Variants in GRK3 observed in about 807,000 individuals in gnomAD.
GRK3 encodes adrenergic, beta, receptor kinase 2.
In GRK3, 54 loss-of-function variants were observed where a neutral mutation model predicts 95.7. The observed-to-expected ratio is 0.56, with a 90% CI of 0.45 to 0.71. GRK3 has a LOEUF of 0.71. Ranked by LOEUF, GRK3 falls within the 30% of genes least tolerant of loss-of-function variation. The pLI, the probability that GRK3 is intolerant of heterozygous loss-of-function variation, is 0.00. For missense variants in GRK3, 649 were observed against 851.2 expected (o/e 0.76, Z 2.96); for synonymous variants, 281 against 290.8 (o/e 0.97, Z 0.34).
intron 2 of GRK3, among the ~76,000 whole-genome samples, chr22:25,611,748 C>T (rs1247277394): frequency 6.6e-6 from 1 of 151,688 alleles, no homozygotes; most frequent in African/African-American, 2.4e-5. Flanking sequence ...TTTCATTTTC[C>T]TAATGGTGAC....
chr22:25,671,455 A>G (rs1429064323), intron 6 of GRK3, among the ~76,000 whole-genome samples: 1 of 152,248 alleles, frequency 6.6e-6, no homozygotes, highest in Admixed American at 6.5e-5. Context: ...TTCCTCATGG[A>G]TAAAGAAAAC....
intron 19 of GRK3, 122 bp from the exon 20 acceptor site, chr22:25,721,162 A>C: frequency 1.9e-6 from 1 of 529,724 alleles, no homozygotes; most frequent in Non-Finnish European, 3.3e-6. Context: ...CTAGAATACC[A>C]TCAAAGAAAG....
rs966649784 is a variant in GRK3 at position 25,688,222 on chromosome 22, C to T, written c.957+555C>T. On this transcript the variant is annotated intron_variant, in intron 11 of 20. Transcript: ENST00000324198. ...CTGCACTCCAGCCTGGACAACAGAG[C>T]AAGACTCTGTCTCAAAAAAAAAAAA... 2.5e-5 allele frequency among the ~76,000 whole-genome samples: 3 copies of T among 121,194 alleles called. No homozygotes were observed. The Admixed American group carries it at 3.1e-4, about 13-fold the overall frequency. 79.5% of individuals were successfully genotyped at this position (121,194 alleles called of 152,430 possible). A position where few individuals can be genotyped will look rare whatever the true frequency, so the allele number is the denominator to read the frequency against.
intron 1 of GRK3, among the ~76,000 whole-genome samples, chr22:25,577,935 G>A (rs2146315827): frequency 6.6e-6 from 1 of 152,260 alleles, no homozygotes; most frequent in Middle Eastern, 3.4e-3. Flanking sequence ...TTACTGTTAA[G>A]AGTAATATTA....
chr22:25,656,432 T>C (rs2084871735), intron 3 of GRK3, among the ~76,000 whole-genome samples: 1 of 152,168 alleles, frequency 6.6e-6, no homozygotes, highest in Admixed American at 6.5e-5. Flanking sequence ...TCCTCCTGCC[T>C]CAGCCTCCTG....
At chr22:25,617,574 A>T (rs2084549222) in intron 2 of GRK3, among the ~76,000 whole-genome samples, 1 of 152,210 alleles carries the variant, frequency 6.6e-6, no homozygotes, top group South Asian at 2.1e-4. Flanking sequence ...ATAACTTCAG[A>T]AAGCATAGTC....
intron 2 of GRK3, among the ~76,000 whole-genome samples, chr22:25,606,650 G>C (rs1374188959): frequency 3.3e-5 from 5 of 151,970 alleles, no homozygotes; most frequent in Non-Finnish European, 7.4e-5. Flanking sequence ...CCCTCTGTCT[G>C]CCTACCCATC....
At chr22:25,648,750 G>T in intron 3 of GRK3, 1 of 1,125,388 alleles carries the variant, frequency 8.9e-7, no homozygotes, top group East Asian at 2.4e-5. Flanking sequence ...GATTGCTGAT[G>T]GTATGGCATA....
chr22:25,587,392 G>A (rs949402406), intron 1 of GRK3, among the ~76,000 whole-genome samples: 3 of 151,990 alleles, frequency 2.0e-5, no homozygotes, highest in African/African-American at 7.2e-5. Flanking sequence ...AAAGGTAAAT[G>A]GATTCTGAAA....
chr22:25,566,566 C>G (rs1931494735), intron 1 of GRK3, among the ~76,000 whole-genome samples: 1 of 152,066 alleles, frequency 6.6e-6, no homozygotes, highest in South Asian at 2.1e-4. Context: ...ATAGACAATG[C>G]CAAGTAGTGA....
intron 2 of GRK3, among the ~76,000 whole-genome samples, chr22:25,641,424 G>A (rs952495488): frequency 4.6e-5 from 7 of 151,972 alleles, no homozygotes; most frequent in Non-Finnish European, 1.5e-5. Context: ...CTTTGTTACA[G>A]TCAATGCTCT....
chr22:25,648,218 G>T, intron 3 of GRK3: 1 of 762,706 alleles, frequency 1.3e-6, no homozygotes, highest in Non-Finnish European at 2.4e-6. Flanking sequence ...ATGAGGTAAG[G>T]GGTGACAATG....
intron 2 of GRK3, among the ~76,000 whole-genome samples, chr22:25,616,265 A>T (rs2084537407): frequency 1.3e-5 from 2 of 151,932 alleles, no homozygotes; most frequent in African/African-American, 4.8e-5. Flanking sequence ...GGTTTAATTG[A>T]CTCACATTTC....
At chr22:25,618,716 C>A (rs1452471194) in intron 2 of GRK3, among the ~76,000 whole-genome samples, 1 of 150,476 alleles carries the variant, frequency 6.6e-6, no homozygotes, top group Non-Finnish European at 1.5e-5. Context: ...TTAGCTGTAC[C>A]TCTTCATTTT....
chr22:25,719,594 A>T (rs964108509), intron 19 of GRK3, among the ~76,000 whole-genome samples: 1 of 151,608 alleles, frequency 6.6e-6, no homozygotes, highest in Admixed American at 6.6e-5. Context: ...CCTTTCAGCA[A>T]ATCAGGCAGC....
intron 3 of GRK3, among the ~76,000 whole-genome samples, chr22:25,657,911 TC>T (rs764396378): frequency 6.6e-6 from 1 of 152,162 alleles, no homozygotes; most frequent in African/African-American, 2.4e-5. Context: ...ATTGGATACT[TC>T]CTGTGGATTT....
In GRK3 at chr22:25,725,266, T is replaced by G; in HGVS notation, c.*2816T>G. Reference sequence around the variant, plus strand: ...TTTTCATTATTTTAGATTCCTGTGGTTGGGATATTTTAACATTGATGAGAA... The same window carrying G: ...TTTTCATTATTTTAGATTCCTGTGGGTGGGATATTTTAACATTGATGAGAA... On this transcript the variant is annotated 3_prime_UTR_variant, in exon 21 of 21. Coordinates refer to ENST00000324198, the MANE Select transcript of GRK3 (RefSeq NM_005160.4). 6.6e-6 allele frequency: 2 copies of G among 302,176 alleles called. No individual in the cohort carries two copies. 18.7% of individuals were successfully genotyped at this position (302,176 alleles called of 1,614,324 possible). A position where few individuals can be genotyped will look rare whatever the true frequency, so the allele number is the denominator to read the frequency against.
chr22:25,722,410 C>CA lies in GRK3; in HGVS notation c.2030dup (p.Pro678AlafsTer36). On this transcript the variant is annotated frameshift_variant, in exon 21 of 21. Coordinates refer to ENST00000324198, the MANE Select transcript of GRK3 (RefSeq NM_005160.4). LOFTEE classifies it high-confidence loss of function. ...CCTCGGTCAGGTACTGTGGAGCTCC[C>CA]AAAGCCATCCCTCTGTCACAGAAAC... The CA allele has an allele frequency of 6.2e-7, 1 of 1,614,140 alleles. No homozygotes were observed. The highest frequency in any genetic ancestry group is 8.5e-7 in the Non-Finnish European group (1 of 1,180,028).
At chr22:25,623,752 C>T (rs1012163507) in intron 2 of GRK3, among the ~76,000 whole-genome samples, 5 of 152,154 alleles carry the variant, frequency 3.3e-5, no homozygotes, top group African/African-American at 4.8e-5. Flanking sequence ...TCTGAAGCCT[C>T]GCTGATGCCT....
Sources: allele counts gnomAD v4.1 joint callset (sites outside exome capture counted in the v4.1 genomes callset), GRCh38; gene constraint gnomAD v4.1.1; transcripts MANE v1.5; gene names NCBI Gene and HGNC (gene_info 2026-07-23, HGNC 2026-07-21).